Variants in ZNF234 observed in about 807,000 individuals in gnomAD.
ZNF234 encodes C2-H2 type zinc finger protein.
In ZNF234, 4 loss-of-function variants were observed where a neutral mutation model predicts 10.3. The ratio of observed to expected loss-of-function variants is 0.39; its 90% CI spans 0.19 to 0.89. The LOEUF (loss-of-function observed/expected upper bound fraction) is 0.89. Among genes scored for constraint, ZNF234 ranks in the 40% least tolerant of loss-of-function variants. The probability of loss-of-function intolerance (pLI) is 0.38; values close to 1 mark genes in which losing one functional copy is unlikely to be tolerated. For synonymous variants in ZNF234, 258 were observed against 280.1 expected (o/e 0.92, Z 0.79); for missense variants, 711 against 836.1 (o/e 0.85, Z 1.85).
Position 44,159,951 on chromosome 19 carries a change from G to GAA in ZNF234, c.*1833_*1834dup, listed in dbSNP as rs541454496. The GAA allele has an allele frequency of 6.5e-6, 1 of 154,394 alleles. No individual in the cohort carries two copies. Among genetic ancestry groups the GAA allele is most frequent in the African/African-American group, 2.4e-5 (1 of 41,372 alleles). The allele number at this position is 154,394 out of a possible 1,614,324, so 9.6% of individuals were successfully genotyped here. On this transcript the variant is annotated 3_prime_UTR_variant, in exon 6 of 6. Coordinates refer to ENST00000426739, the MANE Select transcript of ZNF234 (RefSeq NM_006630.3). ...GGAGGCTGAGGCAGGAGGATTGCTT[G>GAA]AACCCGGGAGGCGGAAGTTGCAGTG...
In ZNF234 at chr19:44,158,062, T is replaced by C. The variant is rs1234408518; in HGVS notation, c.2046T>C (p.Asn682=). 4 of 1,611,846 alleles carry C rather than the reference T, an allele frequency of 2.5e-6. No individual in the cohort carries two copies. The highest frequency in any genetic ancestry group is 3.4e-6 in the Non-Finnish European group (4 of 1,179,580). The change falls in exon 6 of 6, where the codon AAT becomes AAC. Residue 682 remains asparagine, a synonymous_variant. Coordinates refer to ENST00000426739, the MANE Select transcript of ZNF234 (RefSeq NM_006630.3). ...KIHAAGTFYE[N]DENSKNIREL... is the part of the protein sequence containing the mutation. ...ATGCTGCTGGTACATTTTATGAAAATGATGAGAATAGTAAGAACATCAGAG... is the reference window on the plus strand; with the variant it reads ...ATGCTGCTGGTACATTTTATGAAAACGATGAGAATAGTAAGAACATCAGAG...
In ZNF234 at chr19:44,156,683, CAG is replaced by C. The variant is rs769052662; in HGVS notation, c.672_673del (p.Arg224SerfsTer20). Reference sequence around the variant, plus strand: ...TCAGAGCTCACATCTTCAAACTCATCAGAGAGTCCACACTGTAGAGAAACCAT... The same window carrying C: ...TCAGAGCTCACATCTTCAAACTCATCAGAGTCCACACTGTAGAGAAACCAT... ...FSQSSHLQTH[Q>X]RVHTVEKPFK... On this transcript the variant is annotated frameshift_variant, in exon 6 of 6. Transcript: ENST00000426739. LOFTEE classifies it low-confidence loss of function (END_TRUNC). The C allele has an allele frequency of 3.8e-5, 61 of 1,614,010 alleles. No homozygotes were observed. Among genetic ancestry groups the C allele is most frequent in the African/African-American group, 5.3e-5 (4 of 74,888 alleles).
chr19:44,154,632 T>TC lies in ZNF234; in HGVS notation c.236-1620_236-1619insC, dbSNP rs58138915. 9.6e-3 allele frequency among the ~76,000 whole-genome samples: 622 copies of TC among 64,874 alleles called. 5 individuals carry two copies. The highest frequency in any genetic ancestry group is 0.054 in the African/African-American group (418 of 7,724). The allele number at this position is 64,874 out of a possible 152,430, so 42.6% of individuals were successfully genotyped here. ...GGTAGATTTTTTTCTCTTTTTCTTT[T>TC]TTTTTTTTTTTTTTTTTTGAGACAA... On this transcript the variant is annotated intron_variant, in intron 5 of 5. Coordinates refer to ENST00000426739, the MANE Select transcript of ZNF234 (RefSeq NM_006630.3).
In ZNF234 at chr19:44,148,717, T is replaced by A. The variant is rs751227947; in HGVS notation, c.16-54T>A. 1.9e-6 allele frequency: 3 copies of A among 1,608,706 alleles called. No individual in the cohort carries two copies. In the East Asian group the frequency reaches 6.7e-5, roughly 36 times the overall value. Reference sequence around the variant, plus strand: ...ATACTCTCCACTTTCTCAGTGCTGTTTCTTTTCAAGAGTTTGTTAAAAAGG... The same window carrying A: ...ATACTCTCCACTTTCTCAGTGCTGTATCTTTTCAAGAGTTTGTTAAAAAGG... On this transcript the variant is annotated intron_variant, in intron 3 of 5. Coordinates refer to ENST00000426739, the MANE Select transcript of ZNF234 (RefSeq NM_006630.3).
Position 44,158,701 on chromosome 19 carries a change from G to T in ZNF234, c.*582G>T, listed in dbSNP as rs1968971169. 6.5e-6 allele frequency: 1 copy of T among 154,756 alleles called. No individual in the cohort carries two copies. The highest frequency in any genetic ancestry group is 2.4e-5 in the African/African-American group (1 of 41,464). 9.6% of individuals were successfully genotyped at this position (154,756 alleles called of 1,614,324 possible). On this transcript the variant is annotated 3_prime_UTR_variant, in exon 6 of 6. Coordinates refer to ENST00000426739, the MANE Select transcript of ZNF234 (RefSeq NM_006630.3). ...AACCCTTGTTAAGTGGTACAGTAAAGCATTCTGTCAAAACTTTGACATTTA... is the reference window on the plus strand; with the variant it reads ...AACCCTTGTTAAGTGGTACAGTAAATCATTCTGTCAAAACTTTGACATTTA...
chr19:44,150,091 A>AT (rs1296561412), intron 4 of ZNF234: 3 of 165,190 alleles, frequency 1.8e-5, no homozygotes, highest in Non-Finnish European at 2.6e-5. Context: ...TGCAGCTTAA[A>AT]TTTTTTTTCC....
Position 44,156,326 on chromosome 19 carries a change from TG to T in ZNF234, c.312del (p.Trp104Ter). 1 of 1,607,398 alleles carries T rather than the reference TG, an allele frequency of 6.2e-7. No homozygotes were observed. The highest frequency in any genetic ancestry group is 8.5e-7 in the Non-Finnish European group (1 of 1,177,400). On this transcript the variant is annotated frameshift_variant, in exon 6 of 6. Coordinates refer to ENST00000426739, the MANE Select transcript of ZNF234 (RefSeq NM_006630.3). LOFTEE classifies it low-confidence loss of function (END_TRUNC). Reference protein sequence around the residue: ...RHEELYWGQIWKQIASDLIKY... With the variant: ...RHEELYWGQIXKQIASDLIKY... ...TGAAGAGCTTTACTGGGGGCAAATC[TG>T]GAAACAGATTGCAAGTGATTTAATC...
At position 44,158,817 on chromosome 19, in the gene ZNF234, A is replaced by G. The variant is rs1232439228; in HGVS notation, c.*698A>G. 6.5e-6 allele frequency: 1 copy of G among 153,664 alleles called. No homozygotes were observed. Among genetic ancestry groups the G allele is most frequent in the African/African-American group, 2.4e-5 (1 of 41,414 alleles). 9.5% of individuals were successfully genotyped at this position (153,664 alleles called of 1,614,324 possible). ...GATGAAGGTGCCAGAATTGATGTCC[A>G]TTAGACTGTAAGCTCCATGGGGGCA... On this transcript the variant is annotated 3_prime_UTR_variant, in exon 6 of 6. Transcript: ENST00000426739.
At chr19:44,152,864 T>C (rs995875852) in intron 5 of ZNF234, among the ~76,000 whole-genome samples, 2 of 152,116 alleles carry the variant, frequency 1.3e-5, no homozygotes, top group Non-Finnish European at 2.9e-5. Flanking sequence ...AGATTTAAGA[T>C]TTGAGTGGCA....
At chr19:44,154,834 G>A (rs987041515) in intron 5 of ZNF234, among the ~76,000 whole-genome samples, 9 of 151,898 alleles carry the variant, frequency 5.9e-5, no homozygotes, top group Non-Finnish European at 8.8e-5. Context: ...CCAGAGTCTT[G>A]CTATGTTGCC....
chr19:44,146,773 G>A (rs568520059), intron 3 of ZNF234, among the ~76,000 whole-genome samples: 1 of 147,922 alleles, frequency 6.8e-6, no homozygotes, highest in South Asian at 2.2e-4. Context: ...TCATCATATA[G>A]AGAAGCAAGG....
At chr19:44,143,198 G>A (rs1161446812) in intron 2 of ZNF234, among the ~76,000 whole-genome samples, 1 of 118,210 alleles carries the variant, frequency 8.5e-6, no homozygotes, top group Admixed American at 9.7e-5. Context: ...CCTGAGTCCT[G>A]AGTTATGGAA....
In ZNF234 at chr19:44,155,118, A is replaced by T. The variant is rs116213324; in HGVS notation, c.236-1134A>T. On this transcript the variant is annotated intron_variant, in intron 5 of 5. Coordinates refer to ENST00000426739, the MANE Select transcript of ZNF234 (RefSeq NM_006630.3). The stretch of plus-strand genomic sequence containing the variant: ...CATTTTGGAATATTATTAAGGATAA[A>T]CCTTTCAGAAGGGTTTAAACATTTT... 1.7e-3 allele frequency among the ~76,000 whole-genome samples: 266 copies of T among 152,318 alleles called. 1 individual carries two copies. The highest frequency in any genetic ancestry group is 6.1e-3 in the African/African-American group (252 of 41,564).
chr19:44,148,954 T>C, intron 4 of ZNF234, 57 bp downstream of exon 4: 1 of 1,557,368 alleles, frequency 6.4e-7, no homozygotes, highest in Non-Finnish European at 8.7e-7. Context: ...ATTTTGTGTC[T>C]TCAGGGGTTC....
intron 3 of ZNF234, among the ~76,000 whole-genome samples, chr19:44,144,886 A>C (rs912810782): frequency 2.6e-5 from 4 of 152,198 alleles, no homozygotes; most frequent in African/African-American, 9.6e-5. Context: ...TGTGGATTCA[A>C]CCAACCACAG....
chr19:44,153,160 T>TATATATATATATATATATATA (rs1568552108), intron 5 of ZNF234, among the ~76,000 whole-genome samples: 2 of 64,916 alleles, frequency 3.1e-5, no homozygotes, highest in African/African-American at 2.1e-4. Flanking sequence ...TAATCATGTA[T>TATATATATATATATATATATA]TCATCATATA....
chr19:44,143,453 C>T (rs1262001807), intron 2 of ZNF234, among the ~76,000 whole-genome samples: 1 of 151,926 alleles, frequency 6.6e-6, no homozygotes, highest in African/African-American at 2.4e-5. Flanking sequence ...ACTAAAAATA[C>T]AAAAAATTAG....
Position 44,157,064 on chromosome 19 carries a change from GGTAA to G in ZNF234, c.1051_1054del (p.Lys351AlafsTer60). ...GAAACCTTACAAGTGTGAAGAATGTGGTAAGTGCTTTATTCAGCCTTCACAATTT... is the reference window on the plus strand; with the variant it reads ...GAAACCTTACAAGTGTGAAGAATGTGGTGCTTTATTCAGCCTTCACAATTT... On this transcript the variant is annotated frameshift_variant, in exon 6 of 6. Transcript: ENST00000426739. LOFTEE classifies it low-confidence loss of function (END_TRUNC). 1.9e-6 allele frequency: 3 copies of G among 1,614,160 alleles called. No homozygotes were observed. Among genetic ancestry groups the G allele is most frequent in the Non-Finnish European group, 1.7e-6 (2 of 1,180,018 alleles).
chr19:44,145,352 G>T lies in ZNF234; in HGVS notation c.15+705G>T, dbSNP rs948936528. ...TATTTTTGACTACTTCCCATTCATG[G>T]ACATTTAGGTGATTTAAGAATTTTA... On this transcript the variant is annotated intron_variant, in intron 3 of 5. Transcript: ENST00000426739. 3.3e-5 allele frequency among the ~76,000 whole-genome samples: 5 copies of T among 152,086 alleles called. No individual in the cohort carries two copies. In the East Asian group the frequency reaches 9.7e-4, roughly 29 times the overall value.
Sources: allele counts gnomAD v4.1 joint callset (sites outside exome capture counted in the v4.1 genomes callset), GRCh38; gene constraint gnomAD v4.1.1; transcripts MANE v1.5; gene names NCBI Gene and HGNC (gene_info 2026-07-23, HGNC 2026-07-21).